Variants in VOPP1 observed in about 807,000 individuals in gnomAD.
The protein encoded by VOPP1 is VOPP1 WW domain binding protein.
VOPP1 carries 8 observed loss-of-function variants against 23.5 expected under a neutral mutation model. The ratio of observed to expected loss-of-function variants is 0.34; its 90% CI spans 0.20 to 0.61. The LOEUF is 0.61. VOPP1 is among the 20% of genes least tolerant of loss of function. The pLI is 0.78. For missense variants in VOPP1, 174 were observed against 238.1 expected (o/e 0.73, Z 1.77); for synonymous variants, 83 against 97.3 (o/e 0.85, Z 0.86).
At chr7:55,455,399 G>C (rs140296811) in intron 4 of VOPP1, among the ~76,000 whole-genome samples, 228 of 152,290 alleles carry the variant, frequency 1.5e-3, no homozygotes, top group African/African-American at 4.9e-3. Flanking sequence ...TAGATTCAAT[G>C]CAGTCCCTAT....
At chr7:55,510,393 A>C (rs1477768826) in intron 2 of VOPP1, among the ~76,000 whole-genome samples, 1 of 152,016 alleles carries the variant, frequency 6.6e-6, no homozygotes, top group African/African-American at 2.4e-5. Context: ...ACCGCAATAA[A>C]CTTGTTTGTG....
chr7:55,438,038 A>G (rs1364204186), intron 4 of VOPP1, among the ~76,000 whole-genome samples: 1 of 151,842 alleles, frequency 6.6e-6, no homozygotes, highest in African/African-American at 2.4e-5. Flanking sequence ...GGGATTACAG[A>G]TTACAGGCGC....
chr7:55,439,030 AC>A (rs1790899178), intron 4 of VOPP1, among the ~76,000 whole-genome samples: 1 of 151,986 alleles, frequency 6.6e-6, no homozygotes, highest in Admixed American at 6.6e-5. Context: ...CTGAGATGGA[AC>A]CCGGTTGTAC....
intron 2 of VOPP1, among the ~76,000 whole-genome samples, chr7:55,519,713 G>A (rs1795713062): frequency 6.6e-6 from 1 of 152,154 alleles, no homozygotes; most frequent in Non-Finnish European, 1.5e-5. Context: ...CCACGCCATG[G>A]GGCACACTGA....
chr7:55,518,227 G>A (rs1437061790), intron 2 of VOPP1, among the ~76,000 whole-genome samples: 1 of 152,228 alleles, frequency 6.6e-6, no homozygotes, highest in Non-Finnish European at 1.5e-5. Context: ...CAACAGAGTG[G>A]AGGGATGGGA....
chr7:55,553,881 A>G lies in VOPP1; in HGVS notation c.54+18390T>C, dbSNP rs1797713637. ...CAGCCGCACAGCAGGGCTGCTCCCA[A>G]GTCTCTCCTGTTCAGCTGCACAGGC... On this transcript the variant is annotated intron_variant, in intron 1 of 4. Coordinates refer to ENST00000285279, the MANE Select transcript of VOPP1 (RefSeq NM_030796.5). 3 of 152,752 alleles carry G rather than the reference A, an allele frequency of 2.0e-5. No homozygotes were observed. The Admixed American group carries it at 2.0e-4, about 10-fold the overall frequency. The allele number at this position is 152,752 out of a possible 1,614,324, so 9.5% of individuals were successfully genotyped here.
rs1797235906 is a variant in VOPP1, at chr7:55,543,624, C to T, written c.55-22494G>A. ...TTTTAACTGAGATGAGGTGATATCT[C>T]ATGGTTTTGATTTGCATTTCCCTAA... On this transcript the variant is annotated intron_variant, in intron 1 of 4. Transcript: ENST00000285279. Among the ~76,000 whole-genome samples the T allele has an allele frequency of 2.0e-5, 3 of 151,874 alleles. No individual in the cohort carries two copies. The South Asian group carries it at 6.2e-4, about 31-fold the overall frequency.
intron 1 of VOPP1, among the ~76,000 whole-genome samples, chr7:55,558,228 A>AATG (rs1338646579): frequency 2.0e-5 from 3 of 152,066 alleles, no homozygotes; most frequent in Non-Finnish European, 4.4e-5. Flanking sequence ...TAATAATAAT[A>AATG]ATAACCAGAC....
chr7:55,551,091 T>A (rs1044987553), intron 1 of VOPP1, among the ~76,000 whole-genome samples: 5 of 152,132 alleles, frequency 3.3e-5, no homozygotes, highest in Non-Finnish European at 7.4e-5. Flanking sequence ...ATTATCTCCC[T>A]GTTATGCAGA....
intron 1 of VOPP1, among the ~76,000 whole-genome samples, chr7:55,537,102 C>T (rs1229099746): frequency 6.6e-6 from 1 of 152,180 alleles, no homozygotes; most frequent in Non-Finnish European, 1.5e-5. Flanking sequence ...CAAGATCTCT[C>T]GGCCTGACCT....
chr7:55,481,179 C>G (rs1265643298), intron 4 of VOPP1, among the ~76,000 whole-genome samples: 1 of 152,194 alleles, frequency 6.6e-6, no homozygotes, highest in Non-Finnish European at 1.5e-5. Context: ...GAATGGCTGT[C>G]TGGAGGGTCT....
chr7:55,564,772 C>T (rs778219197), intron 1 of VOPP1, among the ~76,000 whole-genome samples: 52 of 152,112 alleles, frequency 3.4e-4, no homozygotes, highest in Non-Finnish European at 6.6e-4. Context: ...GCCACAAGTT[C>T]CAGACCAAGT....
At chr7:55,567,049 T>C (rs1366513717) in intron 1 of VOPP1, among the ~76,000 whole-genome samples, 2 of 152,222 alleles carry the variant, frequency 1.3e-5, no homozygotes, top group African/African-American at 2.4e-5. Flanking sequence ...GTTGATACTT[T>C]GTCTTAAGGC....
chr7:55,522,431 T>C (rs958747221), intron 1 of VOPP1, among the ~76,000 whole-genome samples: 1 of 152,178 alleles, frequency 6.6e-6, no homozygotes, highest in Non-Finnish European at 1.5e-5. Flanking sequence ...CTGTCCAGTT[T>C]AAGAAATGAA....
At chr7:55,554,802 T>C (rs144661205) in intron 1 of VOPP1, among the ~76,000 whole-genome samples, 17 of 152,282 alleles carry the variant, frequency 1.1e-4, no homozygotes, top group Middle Eastern at 3.4e-3. Flanking sequence ...ACCAGAAATA[T>C]AGATTTTGGA....
chr7:55,552,711 C>T lies in VOPP1; in HGVS notation c.54+19560G>A, dbSNP rs1003680934. 38 of 1,535,638 alleles carry T rather than the reference C, an allele frequency of 2.5e-5. No homozygotes were observed. In the Middle Eastern group the frequency reaches 6.8e-4, roughly 28 times the overall value. On this transcript the variant is annotated intron_variant, in intron 1 of 4. Coordinates refer to ENST00000285279, the MANE Select transcript of VOPP1 (RefSeq NM_030796.5). ...TCAGGTCCTGGAGCCCCAGCCCCTC[C>T]GAAGGCAGGAGTCTGGTCGCCAGGT...
intron 4 of VOPP1, among the ~76,000 whole-genome samples, chr7:55,476,052 G>C (rs1303601547): frequency 6.6e-6 from 1 of 152,192 alleles, no homozygotes; most frequent in Admixed American, 6.5e-5. Flanking sequence ...TTCAGGCAAG[G>C]GTGGGATGGG....
In VOPP1 at chr7:55,562,018, T is replaced by C. The variant is rs1041297577; in HGVS notation, c.54+10253A>G. On this transcript the variant is annotated intron_variant, in intron 1 of 4. Transcript: ENST00000285279. ...GTCTGCTGTACTGGATGAAGACTTC[T>C]GATCCTCATCTATGCATCAGAAGCA... is the stretch of plus-strand genomic sequence containing the variant. 4.3e-5 allele frequency: 30 copies of C among 703,598 alleles called. 1 individual carries two copies. The highest frequency in any genetic ancestry group is 2.3e-4 in the Middle Eastern group (1 of 4,372). 43.6% of individuals were successfully genotyped at this position (703,598 alleles called of 1,614,324 possible). A position where few individuals can be genotyped will look rare whatever the true frequency, so the allele number is the denominator to read the frequency against.
chr7:55,441,938 C>T (rs1790975718), intron 4 of VOPP1, among the ~76,000 whole-genome samples: 1 of 152,204 alleles, frequency 6.6e-6, no homozygotes, highest in Non-Finnish European at 1.5e-5. Flanking sequence ...CAGTGGCCTA[C>T]TCAAGGGATA....
Sources: gnomAD v4.1 joint callset for allele counts (sites outside exome capture counted in the v4.1 genomes callset) on GRCh38, gnomAD v4.1.1 for gene constraint, MANE v1.5 for transcripts, NCBI Gene and HGNC (gene_info 2026-07-23, HGNC 2026-07-21) for gene names.